KIDINS220: variants seen among roughly 807,000 people sequenced by gnomAD.
KIDINS220 encodes the protein kinase D-interacting substrate of 220 kDa.
In KIDINS220, 63 loss-of-function variants were observed where a neutral mutation model predicts 157.6. The ratio of observed to expected loss-of-function variants is 0.40; its 90% CI spans 0.33 to 0.49. The LOEUF is 0.49. KIDINS220 is among the 20% of genes least tolerant of loss of function. KIDINS220 has a pLI of 0.66. For missense variants in KIDINS220, 1,772 were observed against 2,171.2 expected (o/e 0.82, Z 3.65); for synonymous variants, 732 against 783.6 (o/e 0.93, Z 1.10).
intron 26 of KIDINS220, among the ~76,000 whole-genome samples, chr2:8,740,415 T>A (rs1163967642): frequency 6.6e-6 from 1 of 152,144 alleles, no homozygotes; most frequent in Non-Finnish European, 1.5e-5. Context: ...CTTACAATTA[T>A]ACTCCTAAAA....
At chr2:8,734,437 C>T (rs1461581223) in intron 28 of KIDINS220, among the ~76,000 whole-genome samples, 1 of 152,090 alleles carries the variant, frequency 6.6e-6, no homozygotes, top group Non-Finnish European at 1.5e-5. Flanking sequence ...GAGTGAAATG[C>T]CCAAAAAGGC....
At position 8,817,792 on chromosome 2, in the gene KIDINS220, C is replaced by T. The variant is rs1056772864; in HGVS notation, c.208-76G>A. ...CAAAGTAAGGAAAACTACATTTGAACTTACATACCAAATGATCATACCAAG... is the reference window on the plus strand; with the variant it reads ...CAAAGTAAGGAAAACTACATTTGAATTTACATACCAAATGATCATACCAAG... On this transcript the variant is annotated intron_variant, in intron 3 of 29. Transcript: ENST00000256707. The T allele has an allele frequency of 6.4e-6, 6 of 940,652 alleles. No homozygotes were observed. The African/African-American group carries it at 9.9e-5, about 15-fold the overall frequency. 58.3% of individuals were successfully genotyped at this position (940,652 alleles called of 1,614,324 possible). A position where few individuals can be genotyped will look rare whatever the true frequency, so the allele number is the denominator to read the frequency against.
chr2:8,729,829 A>G lies in KIDINS220; in HGVS notation c.*891T>C. 2.0e-6 allele frequency: 2 copies of G among 982,786 alleles called. No homozygotes were observed. The highest frequency in any genetic ancestry group is 2.4e-6 in the Non-Finnish European group (2 of 827,570). 60.9% of individuals were successfully genotyped at this position (982,786 alleles called of 1,614,324 possible). A position where few individuals can be genotyped will look rare whatever the true frequency, so the allele number is the denominator to read the frequency against. ...TATTTCCTCATTCACTCATCTATAA[A>G]TATTTATTAGTACCTATTATTACCC... On this transcript the variant is annotated 3_prime_UTR_variant, in exon 30 of 30. Coordinates refer to ENST00000256707, the MANE Select transcript of KIDINS220 (RefSeq NM_020738.4).
At chr2:8,754,453 C>G (rs1229681059) in intron 22 of KIDINS220, among the ~76,000 whole-genome samples, 1 of 152,152 alleles carries the variant, frequency 6.6e-6, no homozygotes, top group Non-Finnish European at 1.5e-5. Flanking sequence ...CTTCACTTTT[C>G]AGTTAAGAGT....
intron 11 of KIDINS220, 101 bp downstream of exon 11, chr2:8,796,670 C>T: frequency 1.1e-6 from 1 of 898,240 alleles, no homozygotes; most frequent in Non-Finnish European, 1.9e-6. Flanking sequence ...GTCATCTCTC[C>T]CCACACAACC....
intron 29 of KIDINS220, among the ~76,000 whole-genome samples, chr2:8,733,004 T>C (rs1664363628): frequency 1.3e-5 from 2 of 152,130 alleles, no homozygotes; most frequent in East Asian, 1.9e-4. Context: ...AAGAAACCAA[T>C]ATCCGTGAAG....
At chr2:8,831,130 G>A (rs1317710773) in intron 1 of KIDINS220, among the ~76,000 whole-genome samples, 3 of 152,166 alleles carry the variant, frequency 2.0e-5, no homozygotes, top group Non-Finnish European at 2.9e-5. Context: ...AGGAACTTAC[G>A]CCTTCTAAGG....
At chr2:8,750,849 G>A (rs924062051) in intron 23 of KIDINS220, among the ~76,000 whole-genome samples, 3 of 152,066 alleles carry the variant, frequency 2.0e-5, no homozygotes, top group African/African-American at 2.4e-5. Flanking sequence ...AGTTTAAGGC[G>A]ATCTCCTCAC....
chr2:8,791,466 TATC>T (rs900093222), intron 12 of KIDINS220, among the ~76,000 whole-genome samples: 12 of 152,256 alleles, frequency 7.9e-5, no homozygotes, highest in Admixed American at 1.3e-4. Context: ...CTTAAATTAC[TATC>T]ATATTTCATA....
intron 26 of KIDINS220, among the ~76,000 whole-genome samples, chr2:8,739,939 C>G (rs1665401656): frequency 6.6e-6 from 1 of 152,204 alleles, no homozygotes; most frequent in Non-Finnish European, 1.5e-5. Context: ...TAGATTAGAA[C>G]TACACTCTGA....
At chr2:8,744,401 A>AATAT (rs1474558259) in intron 26 of KIDINS220, among the ~76,000 whole-genome samples, 6 of 7,022 alleles carry the variant, frequency 8.5e-4, no homozygotes, top group African/African-American at 2.1e-3. Flanking sequence ...ATATATATAT[A>AATAT]ATATATATAT....
At chr2:8,752,023 T>G (rs1667432776) in intron 22 of KIDINS220, among the ~76,000 whole-genome samples, 1 of 151,908 alleles carries the variant, frequency 6.6e-6, no homozygotes, top group South Asian at 2.1e-4. Context: ...TATTTTTAAT[T>G]TTTAGGGTTT....
intron 22 of KIDINS220, among the ~76,000 whole-genome samples, chr2:8,769,010 GAAGAA>G (rs1484992320): frequency 6.6e-6 from 1 of 152,154 alleles, no homozygotes; most frequent in Non-Finnish European, 1.5e-5. Flanking sequence ...ACCAGGAAGA[GAAGAA>G]AAGCATCTCA....
At chr2:8,778,600 G>T in intron 20 of KIDINS220, 39 bp downstream of exon 20, 1 of 1,231,184 alleles carries the variant, frequency 8.1e-7, no homozygotes, top group Non-Finnish European at 1.2e-6. Context: ...AAATTGAATA[G>T]CAATACAAAC....
intron 12 of KIDINS220, among the ~76,000 whole-genome samples, chr2:8,792,073 T>G (rs1319390348): frequency 1.3e-5 from 2 of 152,070 alleles, no homozygotes; most frequent in African/African-American, 2.4e-5. Flanking sequence ...AAAATTAAAT[T>G]AAAATGCTAT....
chr2:8,834,508 T>C (rs1407985490), intron 1 of KIDINS220, among the ~76,000 whole-genome samples: 4 of 151,564 alleles, frequency 2.6e-5, no homozygotes, highest in African/African-American at 9.7e-5. Flanking sequence ...AGCCCTACTT[T>C]AAAGGTCTTC....
chr2:8,750,283 CG>C lies in KIDINS220; in HGVS notation c.3242del (p.Pro1081ArgfsTer48). On this transcript the variant is annotated frameshift_variant, in exon 24 of 30. Coordinates refer to ENST00000256707, the MANE Select transcript of KIDINS220 (RefSeq NM_020738.4). LOFTEE classifies it high-confidence loss of function. Reference protein sequence around the residue: ...QISIGGLAYPPLPLHEGPPRA... With the variant: ...QISIGGLAYPXLPLHEGPPRA... The stretch of plus-strand genomic sequence containing the variant: ...TAGGAGGACCCTCATGTAGAGGGAG[CG>C]GGGGGTACGCCAGTCCTCCAATACT... 6.2e-7 allele frequency: 1 copy of C among 1,612,936 alleles called. No individual in the cohort carries two copies. Among genetic ancestry groups the C allele is most frequent in the East Asian group, 2.2e-5 (1 of 44,860 alleles).
At chr2:8,771,465 C>T (rs1468808118) in intron 21 of KIDINS220, among the ~76,000 whole-genome samples, 2 of 152,212 alleles carry the variant, frequency 1.3e-5, no homozygotes, top group Non-Finnish European at 2.9e-5. Context: ...TACATGTAGA[C>T]AGTCGCAATC....
At chr2:8,815,279 T>C (rs1300350413) in intron 4 of KIDINS220, among the ~76,000 whole-genome samples, 1 of 150,910 alleles carries the variant, frequency 6.6e-6, no homozygotes, top group South Asian at 2.1e-4. Context: ...TGTGTGTCTG[T>C]AGTCCCAGCT....
Sources: allele counts gnomAD v4.1 joint callset (sites outside exome capture counted in the v4.1 genomes callset), GRCh38; gene constraint gnomAD v4.1.1; transcripts MANE v1.5; gene names NCBI Gene and HGNC (gene_info 2026-07-23, HGNC 2026-07-21).